FREM1: variants seen among roughly 807,000 people sequenced by gnomAD.
The protein encoded by FREM1 is FRAS1-related extracellular matrix protein 1.
A neutral mutation model predicts 210.1 loss-of-function variants in FREM1; 220 were observed. The observed-to-expected ratio is 1.05, with a 90% CI of 0.94 to 1.17. FREM1 has a LOEUF of 1.17. FREM1 is among the 50% of genes most tolerant of loss of function. The pLI, the probability that FREM1 is intolerant of heterozygous loss-of-function variation, is 0.00. For missense variants in FREM1, 3,454 were observed against 2,675.5 expected, an observed-to-expected ratio of 1.29 and a Z score of -6.42; for synonymous variants, 1,189 against 980.2, an observed-to-expected ratio of 1.21 and a Z score of -3.98.
At chr9:14,906,190 T>C (rs922099119) in intron 1 of FREM1, among the ~76,000 whole-genome samples, 3 of 152,224 alleles carry the variant, frequency 2.0e-5, no homozygotes, top group African/African-American at 7.2e-5. Context: ...TGACCTCATT[T>C]TACCCCTGAG....
chr9:14,884,064 A>G (rs1471680668), intron 1 of FREM1, among the ~76,000 whole-genome samples: 1 of 152,158 alleles, frequency 6.6e-6, no homozygotes, highest in Non-Finnish European at 1.5e-5. Flanking sequence ...CCCTGCCTCT[A>G]CTAAAAATAC....
intron 27 of FREM1, among the ~76,000 whole-genome samples, chr9:14,768,243 T>C (rs1023481357): frequency 2.1e-5 from 3 of 144,122 alleles, no homozygotes; most frequent in African/African-American, 5.1e-5. Flanking sequence ...AACATTCCTA[T>C]GTTTTCTTAC....
chr9:14,822,253 G>A (rs1039702402), intron 13 of FREM1, among the ~76,000 whole-genome samples: 7 of 152,188 alleles, frequency 4.6e-5, no homozygotes, highest in East Asian at 3.9e-4. Flanking sequence ...TATTAGCAGC[G>A]TGAGAACAGA....
intron 1 of FREM1, among the ~76,000 whole-genome samples, chr9:14,876,306 C>G (rs1833728862): frequency 6.6e-6 from 1 of 152,208 alleles, no homozygotes; most frequent in South Asian, 2.1e-4. Context: ...GCAGGCAGGT[C>G]TCCTTGAGCT....
In FREM1 at chr9:14,865,009, T is replaced by C. The variant is rs186606025; in HGVS notation, c.235-1106A>G. 1.1e-4 allele frequency among the ~76,000 whole-genome samples: 17 copies of C among 152,336 alleles called. No individual in the cohort carries two copies. The East Asian group carries it at 3.3e-3, about 29-fold the overall frequency. On this transcript the variant is annotated intron_variant, in intron 2 of 36. Coordinates refer to ENST00000380880, the MANE Select transcript of FREM1 (RefSeq NM_001379081.2). Reference sequence around the variant, plus strand: ...TATGTTTCATAATATGTTTTCCTTTTATAAAAGGCGACAACCATAATTGTC... The same window carrying C: ...TATGTTTCATAATATGTTTTCCTTTCATAAAAGGCGACAACCATAATTGTC...
chr9:14,830,363 C>T (rs1487593249), intron 10 of FREM1, among the ~76,000 whole-genome samples: 1 of 152,114 alleles, frequency 6.6e-6, no homozygotes, highest in Non-Finnish European at 1.5e-5. Flanking sequence ...CGGGGGAAGG[C>T]AGCAAGCAAG....
intron 7 of FREM1, among the ~76,000 whole-genome samples, chr9:14,846,878 G>T (rs1429614597): frequency 6.6e-6 from 1 of 152,120 alleles, no homozygotes; most frequent in Non-Finnish European, 1.5e-5. Context: ...GCCCCATGAG[G>T]GTTCCCAGTC....
chr9:14,905,748 G>A (rs541720079), intron 1 of FREM1, among the ~76,000 whole-genome samples: 11 of 152,244 alleles, frequency 7.2e-5, no homozygotes, highest in East Asian at 5.8e-4. Context: ...AAAATTAGCC[G>A]GTCATGGCAG....
intron 27 of FREM1, among the ~76,000 whole-genome samples, chr9:14,767,018 AAG>A (rs1846548691): frequency 6.6e-6 from 1 of 152,192 alleles, no homozygotes; most frequent in Non-Finnish European, 1.5e-5. Flanking sequence ...TTAAATACAC[AAG>A]ATGCTTTCAT....
chr9:14,837,508 A>G (rs1029990519), intron 10 of FREM1, among the ~76,000 whole-genome samples: 6 of 152,116 alleles, frequency 3.9e-5, no homozygotes, highest in Non-Finnish European at 7.4e-5. Flanking sequence ...GAATTATTAC[A>G]GGGGTATAAA....
At chr9:14,885,156 G>T (rs1202620303) in intron 1 of FREM1, among the ~76,000 whole-genome samples, 1 of 151,494 alleles carries the variant, frequency 6.6e-6, no homozygotes, top group African/African-American at 2.4e-5. Context: ...GATCTCCTGA[G>T]CTCGTGATCC....
intron 24 of FREM1, among the ~76,000 whole-genome samples, chr9:14,778,622 A>G (rs1364152612): frequency 4.9e-5 from 6 of 121,622 alleles, no homozygotes; most frequent in Non-Finnish European, 9.9e-5. Context: ...AAAAAAAAAA[A>G]AAAAAAAAGA....
chr9:14,739,318 C>G (rs1044577890), intron 36 of FREM1, among the ~76,000 whole-genome samples: 2 of 151,276 alleles, frequency 1.3e-5, no homozygotes, highest in Admixed American at 6.6e-5. Flanking sequence ...TGCCTAGGCT[C>G]ATCTCGAAAT....
At chr9:14,756,160 T>C (rs1844306548) in intron 29 of FREM1, among the ~76,000 whole-genome samples, 1 of 152,128 alleles carries the variant, frequency 6.6e-6, no homozygotes, top group Admixed American at 6.5e-5. Flanking sequence ...TTTCTTCTCA[T>C]TTGAAATCAA....
intron 1 of FREM1, among the ~76,000 whole-genome samples, chr9:14,888,459 A>G (rs1836201410): frequency 6.6e-6 from 1 of 152,192 alleles, no homozygotes; most frequent in African/African-American, 2.4e-5. Context: ...CCAGACAGCA[A>G]TAGATACTAT....
intron 25 of FREM1, among the ~76,000 whole-genome samples, chr9:14,771,142 A>T (rs566640120): frequency 1.3e-5 from 2 of 152,310 alleles, no homozygotes; most frequent in South Asian, 4.1e-4. Flanking sequence ...CCTGAACCAT[A>T]ATAGAAGCCC....
At chr9:14,857,797 T>C in intron 4 of FREM1, 48 bp from the exon 5 acceptor site, 1 of 1,429,816 alleles carries the variant, frequency 7.0e-7, no homozygotes, top group African/African-American at 1.4e-5. Flanking sequence ...ACATAACAAT[T>C]GTAAAATTTA....
chr9:14,905,313 T>C (rs535244937), intron 1 of FREM1, among the ~76,000 whole-genome samples: 85 of 152,352 alleles, frequency 5.6e-4, no homozygotes, highest in African/African-American at 2.0e-3. Context: ...TGAATGAATA[T>C]GTCCTTCCTT....
chr9:14,749,357 AG>A (rs1842959247), intron 30 of FREM1, among the ~76,000 whole-genome samples: 1 of 152,172 alleles, frequency 6.6e-6, no homozygotes, highest in Non-Finnish European at 1.5e-5. Flanking sequence ...TAAAGAAAAG[AG>A]GGGAGGTCCC....
Sources: gnomAD v4.1 joint callset for allele counts (sites outside exome capture counted in the v4.1 genomes callset) on GRCh38, gnomAD v4.1.1 for gene constraint, MANE v1.5 for transcripts, NCBI Gene and HGNC (gene_info 2026-07-23, HGNC 2026-07-21) for gene names.